The following POM121 variants were observed in gnomAD, a reference collection of about 807,000 sequenced individuals.
POM121 encodes POM121 transmembrane nucleoporin.
POM121 carries 32 observed loss-of-function variants against 81.3 expected under a neutral mutation model. The ratio of observed to expected loss-of-function variants is 0.39; its 90% CI spans 0.30 to 0.53. POM121 has a LOEUF of 0.53. Ranked by LOEUF, POM121 falls within the 20% of genes least tolerant of loss-of-function variation. POM121 has a pLI of 0.66. For synonymous variants in POM121, 514 were observed against 694.2 expected (o/e 0.74, Z 4.08); for missense variants, 1,138 against 1,614.6 (o/e 0.70, Z 5.06).
At chr7:72,900,750 T>C (rs28827905) in intron 3 of POM121, among the ~76,000 whole-genome samples, 3 of 152,140 alleles carry the variant, frequency 2.0e-5, no homozygotes, top group African/African-American at 7.2e-5. Context: ...GAGATCTGCC[T>C]GCCTCAGCCT....
upstream of POM121, among the ~76,000 whole-genome samples, chr7:72,921,198 GTAAA>G (rs1455083062): frequency 2.0e-5 from 3 of 152,028 alleles, no homozygotes; most frequent in Non-Finnish European, 2.9e-5. Flanking sequence ...ATAAAAATCA[GTAAA>G]TAAATAAAGA....
chr7:72,902,259 T>C (rs186160448), intron 3 of POM121, among the ~76,000 whole-genome samples: 4,229 of 146,226 alleles, frequency 0.029, 123 homozygotes, highest in Non-Finnish European at 0.036. Context: ...TTCTTTCTTT[T>C]TTTTTTTTTT....
chr7:72,931,335 G>A (rs1215089808), intron 5 of POM121, among the ~76,000 whole-genome samples: 1 of 151,960 alleles, frequency 6.6e-6, no homozygotes, highest in Non-Finnish European at 1.5e-5. Context: ...ACCGAAGTTG[G>A]GTGTTTCTTC....
At chr7:72,929,644 A>T (rs1218319440) in intron 4 of POM121, among the ~76,000 whole-genome samples, 1 of 152,184 alleles carries the variant, frequency 6.6e-6, no homozygotes, top group Non-Finnish European at 1.5e-5. Context: ...CATGCCTGTA[A>T]TCCCTCTCTT....
At chr7:72,940,000 C>G (rs1796910408) in intron 8 of POM121, 32 bp downstream of exon 8, 2 of 1,598,670 alleles carry the variant, frequency 1.3e-6, no homozygotes, top group Admixed American at 3.4e-5. Context: ...CCTGCCCTCC[C>G]CGGCTTAGCT....
intron 1 of POM121, among the ~76,000 whole-genome samples, chr7:72,886,537 C>T (rs2906945): frequency 1.5e-4 from 23 of 152,060 alleles, no homozygotes; most frequent in South Asian, 1.5e-3. Flanking sequence ...TCTGGTACTC[C>T]TCATTCCTTT....
intron 1 of POM121, among the ~76,000 whole-genome samples, chr7:72,880,153 C>T (rs1391794467): frequency 6.6e-5 from 10 of 152,184 alleles, no homozygotes; most frequent in African/African-American, 2.4e-4. Context: ...GTCCTTCCTC[C>T]TCCTCTCTGT....
At position 72,916,038 on chromosome 7, in the gene POM121, T is replaced by TGGATCTACAA. The variant is rs1246075889; in HGVS notation, c.-152+2212_-152+2221dup. 9.8e-5 allele frequency among the ~76,000 whole-genome samples: 15 copies of TGGATCTACAA among 152,330 alleles called. No homozygotes were observed. The East Asian group carries it at 2.9e-3, about 29-fold the overall frequency. ...ATTTGTTTAAGTTCCTTGTAGTTTC[T>TGGATCTACAA]GGATCTACAAGAATCTACAAGATCT... On this transcript the variant is annotated intron_variant, in intron 4 of 15. Coordinates refer to the POM121 transcript ENST00000395270.
Position 72,938,595 on chromosome 7 carries a change from G to C in POM121, c.1281G>C (p.Trp427Cys), listed in dbSNP as rs1161755115. ...ATGTCCCTCTTGATTTTTAGCTCTGGAAGAGAAATGGCCCCAGTTCATCAC... is the reference window on the plus strand; with the variant it reads ...ATGTCCCTCTTGATTTTTAGCTCTGCAAGAGAAATGGCCCCAGTTCATCAC... ...YSSTRGISQL[W>C]KRNGPSSSPF... The change falls in exon 6 of 13, where the codon TGG (tryptophan) becomes TGC (cysteine). Residue 427 changes from tryptophan to cysteine, a missense_variant. By Grantham distance (215) the Trp-to-Cys change is radical. Transcript: ENST00000434423. 2.5e-6 allele frequency: 4 copies of C among 1,613,700 alleles called. No homozygotes were observed. The African/African-American group carries it at 4.0e-5, about 16-fold the overall frequency.
At chr7:72,885,989 G>A (rs1426057259) in intron 1 of POM121, among the ~76,000 whole-genome samples, 80 of 152,094 alleles carry the variant, frequency 5.3e-4, no homozygotes, top group Non-Finnish European at 1.0e-3. Context: ...AACTTTAATT[G>A]TCATAGTTTA....
At chr7:72,894,534 T>C (rs1195052259) in intron 3 of POM121, among the ~76,000 whole-genome samples, 17 of 148,158 alleles carry the variant, frequency 1.1e-4, no homozygotes, top group Non-Finnish European at 1.5e-4. Context: ...GCTGAGATCG[T>C]GCCATTGCAC....
At chr7:72,928,201 ACT>A (rs1224460918) in intron 3 of POM121, among the ~76,000 whole-genome samples, 182 bp from the exon 4 acceptor site, 1 of 152,090 alleles carries the variant, frequency 6.6e-6, no homozygotes, top group Non-Finnish European at 1.5e-5. Context: ...CAAGAGCGAA[ACT>A]CTGTCTGAAA....
At chr7:72,887,193 A>G (rs868912002) in intron 1 of POM121, among the ~76,000 whole-genome samples, 9 of 152,100 alleles carry the variant, frequency 5.9e-5, no homozygotes, top group Non-Finnish European at 1.3e-4. Context: ...ATATTGTACT[A>G]TCTGTAGAAG....
Position 72,926,403 on chromosome 7 carries a change from C to T in POM121, c.786C>T (p.Arg262=). The T allele has an allele frequency of 6.2e-7, 1 of 1,613,994 alleles. No homozygotes were observed. The highest frequency in any genetic ancestry group is 2.2e-5 in the East Asian group (1 of 44,882). Residue 262 remains arginine, a synonymous_variant, in exon 2 of 13, where the codon CGC becomes CGT. Coordinates refer to ENST00000434423, the MANE Select transcript of POM121 (RefSeq NM_001387691.1). ...ACAAGAAGGCTGTGCTGTCCCCTCGCAACTCCAGGATGGTGTGTAGCCCAG... is the reference window on the plus strand; with the variant it reads ...ACAAGAAGGCTGTGCTGTCCCCTCGTAACTCCAGGATGGTGTGTAGCCCAG... The part of the protein sequence containing the change: ...GYHKKAVLSP[R]NSRMVCSPVT...
chr7:72,924,961 A>G, upstream of POM121: 3 of 1,238,338 alleles, frequency 2.4e-6, no homozygotes, highest in Non-Finnish European at 3.1e-6. Context: ...AACAGGCGTT[A>G]AAGGCAGGCG....
chr7:72,928,372 T>A lies in POM121; in HGVS notation c.1023-13T>A. The A allele has an allele frequency of 1.9e-6, 3 of 1,614,208 alleles. No individual in the cohort carries two copies. The East Asian group carries it at 6.7e-5, about 36-fold the overall frequency. ...TCATGTCATTTCATTGAGACTTTTT[T>A]GATTTGTCGCAGGCGCCATGATAGC... On this transcript the variant is annotated splice_polypyrimidine_tract_variant and intron_variant, in intron 3 of 12. Transcript: ENST00000434423.
intron 3 of POM121, among the ~76,000 whole-genome samples, chr7:72,899,891 T>C (rs1279050390): frequency 2.7e-5 from 4 of 148,268 alleles, no homozygotes; most frequent in African/African-American, 9.7e-5. Context: ...TTATATTAAA[T>C]TTAAACGTAC....
intron 10 of POM121, among the ~76,000 whole-genome samples, chr7:72,941,611 GC>G (rs1406806223): frequency 6.6e-6 from 1 of 151,054 alleles, no homozygotes; most frequent in Non-Finnish European, 1.5e-5. Context: ...TACACATTAG[GC>G]CCCCATTTAG....
At chr7:72,936,525 C>T (rs1221114142) in intron 5 of POM121, among the ~76,000 whole-genome samples, 2 of 152,226 alleles carry the variant, frequency 1.3e-5, no homozygotes, top group African/African-American at 4.8e-5. Context: ...GATCCGCCCA[C>T]CTTGGCCTCC....
Sources: allele counts gnomAD v4.1 joint callset (sites outside exome capture counted in the v4.1 genomes callset), GRCh38; gene constraint gnomAD v4.1.1; transcripts MANE v1.5; gene names NCBI Gene and HGNC (gene_info 2026-07-23, HGNC 2026-07-21).